TRPV4: variants seen among roughly 807,000 people sequenced by gnomAD.
The protein encoded by TRPV4 is transient receptor potential cation channel subfamily V member 4, also known as OSM9-like transient receptor potential channel 4.
Under a neutral mutation model 84.1 loss-of-function variants are expected in TRPV4, and 58 were observed. The observed-to-expected ratio is 0.69, with a 90% confidence interval of 0.56 to 0.86. The LOEUF (loss-of-function observed/expected upper bound fraction) is 0.86. TRPV4 is among the 40% of genes least tolerant of loss of function. The pLI is 0.00. For synonymous variants in TRPV4, 489 were observed against 500.9 expected, an observed-to-expected ratio of 0.98 and a Z score of 0.32; for missense variants, 879 against 1,181.1, an observed-to-expected ratio of 0.74 and a Z score of 3.75.
chr12:109,822,931 A>G (rs1015089839), intron 1 of TRPV4, among the ~76,000 whole-genome samples: 1 of 152,230 alleles, frequency 6.6e-6, no homozygotes, highest in African/African-American at 2.4e-5. Flanking sequence ...TAGTATCATT[A>G]GGGGAACAGA....
At chr12:109,787,033 A>T (rs765327031) in intron 13 of TRPV4, among the ~76,000 whole-genome samples, 196 bp from the exon 14 acceptor site, 12 of 152,204 alleles carry the variant, frequency 7.9e-5, no homozygotes, top group Non-Finnish European at 1.8e-4. Flanking sequence ...GTGAAACAGG[A>T]TCAGGTGCAG....
Position 109,786,528 on chromosome 12 carries a change from A to C in TRPV4, c.2336+182T>G, listed in dbSNP as rs1487307874. ...TCTCATTCCACAGATGAAGAAACTG[A>C]GGCTGAGAGAGGTGGGCTGACTTGC... On this transcript the variant is annotated intron_variant, in intron 14 of 15. Coordinates refer to ENST00000261740, the MANE Select transcript of TRPV4 (RefSeq NM_021625.5). This position sits in a 1 kb window ranked among gnomAD's most constrained non-coding sequence, Gnocchi z 4.5. 6.6e-6 allele frequency among the ~76,000 whole-genome samples: 1 copy of C among 152,210 alleles called. No homozygotes were observed.
chr12:109,814,905 A>G lies in TRPV4; in HGVS notation c.-31-78T>C. The stretch of plus-strand genomic sequence containing the variant: ...CCAGGAAGCCCCCTCCCACGTGGAC[A>G]AGCAGCAGTGCTGCCAGCTGCTTCA... On this transcript the variant is annotated intron_variant, in intron 1 of 15. Coordinates refer to ENST00000261740, the MANE Select transcript of TRPV4 (RefSeq NM_021625.5). This position sits in a 1 kb window ranked among gnomAD's most constrained non-coding sequence, Gnocchi z 5.4. 7.3e-7 allele frequency: 1 copy of G among 1,365,790 alleles called. No individual in the cohort carries two copies. Among genetic ancestry groups the G allele is most frequent in the Non-Finnish European group, 1.0e-6 (1 of 1,001,118 alleles). The allele number at this position is 1,365,790 out of a possible 1,614,324, so 84.6% of individuals were successfully genotyped here.
In TRPV4 at chr12:109,798,418, G is replaced by A. The variant is rs1051544210; in HGVS notation, c.1152+196C>T. On this transcript the variant is annotated intron_variant, in intron 6 of 15. Transcript: ENST00000261740. The surrounding 1 kb of genome is among the most constrained non-coding windows in gnomAD (Gnocchi z 5.0). ...TAGGGTGACATGAGGCGAGAGGCTC[G>A]GGGATGAAGCTAAGGAGCTTGGCTG... Among the ~76,000 whole-genome samples, 8 of 152,118 alleles carry A rather than the reference G, an allele frequency of 5.3e-5. No homozygotes were observed. The highest frequency in any genetic ancestry group is 7.4e-5 in the Non-Finnish European group (5 of 68,014).
At chr12:109,799,003 C>G in intron 5 of TRPV4, 91 bp from the exon 6 acceptor site, 1 of 1,274,426 alleles carries the variant, frequency 7.8e-7, no homozygotes, top group Non-Finnish European at 1.1e-6. Flanking sequence ...CACCGTGGCG[C>G]TCTGAGGATA....
At chr12:109,792,463 G>A (rs765672200) in intron 11 of TRPV4, 34 bp from the exon 12 acceptor site, 27 of 1,608,878 alleles carry the variant, frequency 1.7e-5, no homozygotes, top group Non-Finnish European at 2.2e-5. Flanking sequence ...GAGGCAAAGA[G>A]GAGACACATG....
chr12:109,823,927 CT>C (rs1011723328), intron 1 of TRPV4, among the ~76,000 whole-genome samples: 8 of 145,384 alleles, frequency 5.5e-5, no homozygotes, highest in African/African-American at 1.3e-4. Flanking sequence ...TAAAGGGTTT[CT>C]TTTTTTTCTT....
intron 14 of TRPV4, among the ~76,000 whole-genome samples, chr12:109,784,860 C>CAT (rs1889586775): frequency 8.1e-6 from 1 of 123,796 alleles, no homozygotes; most frequent in African/African-American, 3.2e-5. Flanking sequence ...AAAAAAAAGA[C>CAT]GTGTGTGTGT....
intron 5 of TRPV4, among the ~76,000 whole-genome samples, chr12:109,800,347 T>C (rs1194663349): frequency 6.6e-6 from 1 of 152,190 alleles, no homozygotes; most frequent in Non-Finnish European, 1.5e-5. Flanking sequence ...CCCAAAGTGC[T>C]GGGATGACAG....
intron 2 of TRPV4, among the ~76,000 whole-genome samples, chr12:109,810,473 C>T (rs1891453966): frequency 6.6e-6 from 1 of 152,106 alleles, no homozygotes; most frequent in Non-Finnish European, 1.5e-5. Context: ...CAAGGGTGGA[C>T]AAAGCTGGCA....
At chr12:109,785,870 C>A (rs1750933483) in intron 14 of TRPV4, among the ~76,000 whole-genome samples, 1 of 151,878 alleles carries the variant, frequency 6.6e-6, no homozygotes, top group Admixed American at 6.5e-5. Context: ...CCCATCTCTA[C>A]AAAAAAATTA....
At position 109,803,458 on chromosome 12, in the gene TRPV4, C is replaced by T. The variant is rs538119965; in HGVS notation, c.560-315G>A. 4.2e-4 allele frequency among the ~76,000 whole-genome samples: 64 copies of T among 151,576 alleles called. 1 individual carries two copies. Among genetic ancestry groups the T allele is most frequent in the South Asian group, 2.3e-3 (11 of 4,776 alleles). ...GTATTTATTTTTATTTATTAATATC[C>T]TTTTTTTTGAGAGAGAGGGTCTCGC... is the stretch of plus-strand genomic sequence containing the variant. On this transcript the variant is annotated intron_variant, in intron 3 of 15. Coordinates refer to ENST00000261740, the MANE Select transcript of TRPV4 (RefSeq NM_021625.5).
rs571738226 is a variant in TRPV4, at chr12:109,808,147, C to G, written c.559+149G>C. ...GTTAAGTAACATGGTGAAGGACACA[C>G]AGGACCAGACTCCCTGTCCAGTGCA... On this transcript the variant is annotated intron_variant, in intron 3 of 15. Transcript: ENST00000261740. 3.9e-4 allele frequency: 327 copies of G among 842,168 alleles called. 1 individual carries two copies. Among genetic ancestry groups the G allele is most frequent in the Non-Finnish European group, 2.6e-5 (13 of 505,956 alleles). 52.2% of individuals were successfully genotyped at this position (842,168 alleles called of 1,614,324 possible).
chr12:109,790,013 T>G (rs1200352516), intron 12 of TRPV4, among the ~76,000 whole-genome samples: 2 of 152,212 alleles, frequency 1.3e-5, no homozygotes, highest in African/African-American at 2.4e-5. Flanking sequence ...CTCCTTAGTT[T>G]CAATAACTAG....
intron 15 of TRPV4, among the ~76,000 whole-genome samples, 191 bp downstream of exon 15, chr12:109,784,125 T>C (rs1376311420): frequency 1.3e-5 from 2 of 152,032 alleles, no homozygotes; most frequent in African/African-American, 4.8e-5. Flanking sequence ...ATGTCAACAG[T>C]AGGGAGGGCC....
At chr12:109,827,597 A>G (rs1266403257) in intron 1 of TRPV4, among the ~76,000 whole-genome samples, 3 of 151,966 alleles carry the variant, frequency 2.0e-5, no homozygotes, top group African/African-American at 7.2e-5. Flanking sequence ...TATACACATT[A>G]CACACATATA....
intron 1 of TRPV4, among the ~76,000 whole-genome samples, chr12:109,830,061 C>A (rs532538772): frequency 8.5e-5 from 13 of 152,350 alleles, no homozygotes; most frequent in African/African-American, 3.1e-4. Context: ...ACCGATCCAC[C>A]TGCCTTGGCC....
chr12:109,817,048 T>A (rs1329609524), intron 1 of TRPV4, among the ~76,000 whole-genome samples: 1 of 152,184 alleles, frequency 6.6e-6, no homozygotes, highest in East Asian at 1.9e-4. Flanking sequence ...GTGAGGCACC[T>A]ACTCAGTTCC....
At position 109,798,957 on chromosome 12, in the gene TRPV4, G is replaced by C. The variant is rs1417371919; in HGVS notation, c.854-45C>G. 6.4e-7 allele frequency: 1 copy of C among 1,572,456 alleles called. No homozygotes were observed. Among genetic ancestry groups the C allele is most frequent in the Non-Finnish European group, 8.6e-7 (1 of 1,157,516 alleles). ...GTGGGAGGTCAGCGAAGGGGGCCCA[G>C]GGTGGGACTCTGCCTGCAGACACTC... On this transcript the variant is annotated intron_variant, in intron 5 of 15. Coordinates refer to ENST00000261740, the MANE Select transcript of TRPV4 (RefSeq NM_021625.5). The surrounding 1 kb of genome is among the most constrained non-coding windows in gnomAD (Gnocchi z 5.0).
Sources: gnomAD v4.1 joint callset for allele counts (sites outside exome capture counted in the v4.1 genomes callset) on GRCh38, gnomAD v4.1.1 for gene constraint, Gnocchi (gnomAD v3.1) non-coding constraint, MANE v1.5 for transcripts, NCBI Gene and HGNC (gene_info 2026-07-23, HGNC 2026-07-21) for gene names.